Variants in BMPR1B observed in about 807,000 individuals in gnomAD.
BMPR1B encodes the protein bone morphogenetic protein receptor type 1B, also known as bone morphogenetic protein receptor type-1B.
In BMPR1B, 12 loss-of-function variants were observed where a neutral mutation model predicts 59.1. The observed-to-expected ratio is 0.20, with a 90% CI of 0.13 to 0.33. BMPR1B has a LOEUF of 0.33. BMPR1B is among the 10% of genes least tolerant of loss of function. The probability of loss-of-function intolerance (pLI) is 1.00; values close to 1 mark genes in which losing one functional copy is unlikely to be tolerated. For missense variants in BMPR1B, 550 were observed against 610.9 expected, an observed-to-expected ratio of 0.90 and a Z score of 1.05; for synonymous variants, 237 against 207.3, an observed-to-expected ratio of 1.14 and a Z score of -1.23.
At chr4:94,945,487 G>C (rs1269992971) in intron 2 of BMPR1B, among the ~76,000 whole-genome samples, 1 of 152,138 alleles carries the variant, frequency 6.6e-6, no homozygotes, top group Admixed American at 6.5e-5. Context: ...GTCCAGTCTA[G>C]AGTGCAGTGG....
intron 1 of BMPR1B, among the ~76,000 whole-genome samples, chr4:94,825,657 C>T (rs1724357466): frequency 6.6e-6 from 1 of 152,052 alleles, no homozygotes; most frequent in Non-Finnish European, 1.5e-5. Flanking sequence ...TGACAAAATA[C>T]ATGGGTGACA....
chr4:95,007,705 A>G (rs1294721249), intron 3 of BMPR1B, among the ~76,000 whole-genome samples: 2 of 152,244 alleles, frequency 1.3e-5, no homozygotes, highest in Non-Finnish European at 2.9e-5. Flanking sequence ...TATACACAGA[A>G]AAATCAAGAT....
At chr4:95,150,059 TTAATCAA>T (rs1263107435) in intron 11 of BMPR1B, among the ~76,000 whole-genome samples, 3 of 152,206 alleles carry the variant, frequency 2.0e-5, no homozygotes, top group Admixed American at 6.5e-5. Context: ...GAAGAAACAG[TTAATCAA>T]CCTGCATTCA....
At chr4:94,805,122 C>T (rs964762997) in intron 1 of BMPR1B, among the ~76,000 whole-genome samples, 5 of 152,094 alleles carry the variant, frequency 3.3e-5, no homozygotes, top group African/African-American at 1.2e-4. Context: ...ATTGAAGAAG[C>T]ACAGAATTTT....
intron 2 of BMPR1B, among the ~76,000 whole-genome samples, chr4:94,982,696 TAAA>T (rs1721163339): frequency 6.6e-6 from 1 of 151,936 alleles, no homozygotes; most frequent in African/African-American, 2.4e-5. Flanking sequence ...TCTTTACCAT[TAAA>T]AAAAATTTGT....
chr4:94,934,396 C>T (rs6849425), intron 2 of BMPR1B, among the ~76,000 whole-genome samples: 28,939 of 150,594 alleles, frequency 0.19, 2,840 homozygotes, highest in South Asian at 0.31. Context: ...ACCAATCTAC[C>T]GCTGACTCAC....
chr4:95,149,683 A>G (rs1047259149), intron 11 of BMPR1B, among the ~76,000 whole-genome samples: 1 of 152,202 alleles, frequency 6.6e-6, no homozygotes, highest in Non-Finnish European at 1.5e-5. Context: ...GTGCTCATTA[A>G]AAAACCTTGA....
At position 95,155,475 on chromosome 4, in the gene BMPR1B, C is replaced by CCTTTTTTTTTTTTTTTT. The variant is rs1491108915; in HGVS notation, c.*802_*803insCTTTTTTTTTTTTTTTT. 1.6e-5 allele frequency: 1 copy of CCTTTTTTTTTTTTTTTT among 64,298 alleles called. No homozygotes were observed. The highest frequency in any genetic ancestry group is 6.7e-5 in the African/African-American group (1 of 14,816). The allele number at this position is 64,298 out of a possible 1,614,324, so 4.0% of individuals were successfully genotyped here. ...CCCTTTTCATTAAACACAAAGAAAG[C>CCTTTTTTTTTTTTTTTT]TTTTTTTTTTTTTTTTTTTTTTTTT... On this transcript the variant is annotated 3_prime_UTR_variant, in exon 13 of 13. Coordinates refer to ENST00000515059, the MANE Select transcript of BMPR1B (RefSeq NM_001203.3).
intron 3 of BMPR1B, among the ~76,000 whole-genome samples, chr4:95,097,779 G>T (rs2149257754): frequency 6.6e-6 from 1 of 152,132 alleles, no homozygotes; most frequent in South Asian, 2.1e-4. Flanking sequence ...CTCATGATCC[G>T]ACCTCCTCAA....
At chr4:94,762,235 A>G (rs976173397) in intron 1 of BMPR1B, among the ~76,000 whole-genome samples, 1 of 152,224 alleles carries the variant, frequency 6.6e-6, no homozygotes, top group Admixed American at 6.5e-5. Flanking sequence ...CACTGTGACT[A>G]TAAGAGACAC....
rs539207397 is a variant in BMPR1B, at chr4:94,894,566, A to G, written c.-113+18666A>G. On this transcript the variant is annotated intron_variant, in intron 2 of 12. Transcript: ENST00000515059. ...CCACATTTTTTCCTTATTTTATTTT[A>G]AAGGATTGACTTTTTAAGGATTTCC... 1.7e-4 allele frequency among the ~76,000 whole-genome samples: 26 copies of G among 152,078 alleles called. 1 individual carries two copies. In the South Asian group the frequency reaches 5.2e-3, roughly 30 times the overall value.
intron 1 of BMPR1B, among the ~76,000 whole-genome samples, chr4:94,850,676 A>T (rs6828354): frequency 2.0e-5 from 3 of 151,942 alleles, no homozygotes; most frequent in Admixed American, 6.6e-5. Context: ...TCAGGTTAAT[A>T]ACCCCTGCCT....
intron 2 of BMPR1B, among the ~76,000 whole-genome samples, chr4:94,913,066 A>G (rs1273550982): frequency 6.6e-6 from 1 of 152,016 alleles, no homozygotes; most frequent in South Asian, 2.1e-4. Flanking sequence ...TTTAAGCTTT[A>G]TATTGCTTTT....
chr4:95,058,216 A>G (rs1243189980), intron 3 of BMPR1B, among the ~76,000 whole-genome samples: 1 of 152,206 alleles, frequency 6.6e-6, no homozygotes, highest in Non-Finnish European at 1.5e-5. Context: ...AGTGTTATAC[A>G]TCGTTCATTC....
At chr4:95,099,412 G>T (rs904997439) in intron 3 of BMPR1B, among the ~76,000 whole-genome samples, 2 of 152,152 alleles carry the variant, frequency 1.3e-5, no homozygotes, top group Non-Finnish European at 2.9e-5. Flanking sequence ...TGCAGATATA[G>T]AAACAGGAAT....
chr4:94,952,270 T>A (rs763705198), intron 2 of BMPR1B, among the ~76,000 whole-genome samples: 1 of 152,212 alleles, frequency 6.6e-6, no homozygotes, highest in Non-Finnish European at 1.5e-5. Context: ...TCAGTTCTGC[T>A]CTGATCTTAG....
Position 95,157,711 on chromosome 4 carries a change from A to T in BMPR1B, c.*3038A>T, listed in dbSNP as rs920477077. 1.3e-5 allele frequency: 2 copies of T among 151,934 alleles called. No individual in the cohort carries two copies. Among genetic ancestry groups the T allele is most frequent in the African/African-American group, 4.8e-5 (2 of 41,404 alleles). The allele number at this position is 151,934 out of a possible 1,614,324, so 9.4% of individuals were successfully genotyped here. On this transcript the variant is annotated 3_prime_UTR_variant, in exon 13 of 13. Coordinates refer to ENST00000515059, the MANE Select transcript of BMPR1B (RefSeq NM_001203.3). Reference sequence around the variant, plus strand: ...TGGATTAGAGAGTAAGATATTATGGATGATAAAGTACTAAATGAAACATAA... The same window carrying T: ...TGGATTAGAGAGTAAGATATTATGGTTGATAAAGTACTAAATGAAACATAA...
chr4:94,967,643 C>T (rs1028378678), intron 2 of BMPR1B, among the ~76,000 whole-genome samples: 92 of 151,988 alleles, frequency 6.1e-4, no homozygotes, highest in African/African-American at 2.1e-3. Context: ...CCACCATGCC[C>T]GGCTAATTTT....
intron 1 of BMPR1B, among the ~76,000 whole-genome samples, chr4:94,762,833 T>C (rs895381922): frequency 1.3e-5 from 2 of 150,774 alleles, no homozygotes; most frequent in Non-Finnish European, 2.9e-5. Context: ...AATAGAAGAA[T>C]CATGGAGTTG....
Sources: allele counts gnomAD v4.1 joint callset (sites outside exome capture counted in the v4.1 genomes callset), GRCh38; gene constraint gnomAD v4.1.1; transcripts MANE v1.5; gene names NCBI Gene and HGNC (gene_info 2026-07-23, HGNC 2026-07-21).